TMEM268: variants seen among roughly 807,000 people sequenced by gnomAD.
The protein encoded by TMEM268 is transmembrane protein C9orf91.
TMEM268 carries 24 observed loss-of-function variants against 39.1 expected under a neutral mutation model. That is an observed-to-expected ratio of 0.61 (90% CI 0.44 to 0.86). The LOEUF (loss-of-function observed/expected upper bound fraction) is 0.86, where lower values mean the gene tolerates loss of function less well. TMEM268 is among the 40% of genes least tolerant of loss of function. TMEM268 has a pLI of 0.00. For missense variants in TMEM268, 409 were observed against 428.6 expected (o/e 0.95, Z 0.40); for synonymous variants, 176 against 173.5 (o/e 1.01, Z -0.12).
upstream of TMEM268, among the ~76,000 whole-genome samples, chr9:114,607,558 G>T (rs550719319): frequency 1.6e-4 from 24 of 152,224 alleles, no homozygotes; most frequent in Non-Finnish European, 3.2e-4. Context: ...GGGAGGCTGA[G>T]GTGGGAGGAT....
intron 5 of TMEM268, among the ~76,000 whole-genome samples, chr9:114,630,358 G>A (rs999383347): frequency 5.9e-5 from 9 of 152,068 alleles, no homozygotes; most frequent in Non-Finnish European, 1.3e-4. Context: ...CCCAGAAAAT[G>A]CGCAAGGCTT....
intron 2 of TMEM268, chr9:114,622,294 T>C: frequency 3.0e-6 from 3 of 985,376 alleles, no homozygotes; most frequent in Non-Finnish European, 3.6e-6. Context: ...TGCCTCATTG[T>C]CTAAGCAGCC....
intron 2 of TMEM268, 75 bp from the exon 3 acceptor site, chr9:114,624,275 G>A (rs901577906): frequency 7.8e-6 from 12 of 1,536,670 alleles, no homozygotes; most frequent in Admixed American, 6.0e-5. Context: ...GTGTGATGCC[G>A]CCAGGCTTCG....
In TMEM268 at chr9:114,646,010, A is replaced by G. The variant is rs1332467691; in HGVS notation, c.*2697A>G. 1 of 151,946 alleles carries G rather than the reference A, an allele frequency of 6.6e-6. No homozygotes were observed. Among genetic ancestry groups the G allele is most frequent in the African/African-American group, 2.4e-5 (1 of 41,358 alleles). 9.4% of individuals were successfully genotyped at this position (151,946 alleles called of 1,614,324 possible). ...TTTTTCAGAGAGATAAGGTCTTGCT[A>G]TGTTACCCAGCCTAGTCTTGAACTC... On this transcript the variant is annotated 3_prime_UTR_variant, in exon 9 of 9. Transcript: ENST00000288502.
chr9:114,609,718 A>C (rs1335775732), upstream of TMEM268, among the ~76,000 whole-genome samples: 1 of 127,980 alleles, frequency 7.8e-6, no homozygotes, highest in Non-Finnish European at 1.6e-5. Context: ...AAAAAGAAAA[A>C]GAAAAAGAAA....
At chr9:114,626,489 C>G (rs369066729) in intron 3 of TMEM268, among the ~76,000 whole-genome samples, 3 of 152,126 alleles carry the variant, frequency 2.0e-5, no homozygotes, top group East Asian at 3.9e-4. Flanking sequence ...TAATATGTAC[C>G]TTAGTTCTAC....
intron 6 of TMEM268, among the ~76,000 whole-genome samples, chr9:114,635,466 T>A (rs1220909258): frequency 6.6e-6 from 1 of 152,030 alleles, no homozygotes; most frequent in African/African-American, 2.4e-5. Context: ...TGCTTGAATC[T>A]AAGAGTTCAA....
chr9:114,613,122 T>G (rs1845569309), intron 1 of TMEM268, among the ~76,000 whole-genome samples: 1 of 152,178 alleles, frequency 6.6e-6, no homozygotes, highest in Admixed American at 6.5e-5. Context: ...GTTACACAGG[T>G]GAGAAGCGGC....
chr9:114,632,855 A>G (rs1251114725), intron 5 of TMEM268, among the ~76,000 whole-genome samples: 2 of 152,300 alleles, frequency 1.3e-5, no homozygotes, highest in African/African-American at 2.4e-5. Flanking sequence ...TTATTCTACA[A>G]CTGAAGAAAA....
At chr9:114,624,576 G>T in intron 3 of TMEM268, 117 bp downstream of exon 3, 1 of 1,424,808 alleles carries the variant, frequency 7.0e-7, no homozygotes, top group Non-Finnish European at 9.3e-7. Context: ...GCTGTCGTAG[G>T]GTATATAAGG....
intron 1 of TMEM268, among the ~76,000 whole-genome samples, chr9:114,616,681 T>A (rs1266282541): frequency 1.3e-5 from 2 of 151,952 alleles, no homozygotes; most frequent in East Asian, 1.9e-4. Context: ...TTTTTTTTTT[T>A]AATGTGTATT....
chr9:114,609,974 G>C (rs1411845770), upstream of TMEM268, among the ~76,000 whole-genome samples: 1 of 152,056 alleles, frequency 6.6e-6, no homozygotes, highest in South Asian at 2.1e-4. Context: ...TGTCCACTAA[G>C]AAAGAAGGGT....
intron 2 of TMEM268, among the ~76,000 whole-genome samples, chr9:114,621,653 G>A (rs1845950821): frequency 1.3e-5 from 2 of 152,156 alleles, no homozygotes; most frequent in African/African-American, 4.8e-5. Context: ...GCCTCTCTGG[G>A]GAAAGTGAAT....
rs781398677 is a variant in TMEM268 at position 114,628,181 on chromosome 9, G to T, written c.405G>T (p.Leu135=). 1.1e-5 allele frequency: 18 copies of T among 1,614,068 alleles called. No homozygotes were observed. Among genetic ancestry groups the T allele is most frequent in the Non-Finnish European group, 1.4e-5 (16 of 1,180,042 alleles). ...TGGGGAACCACTGGGCTGGCATGCT[G>T]CTCGTGACCCTGGCCGCGGTGAGCC... The part of the protein sequence containing the change: ...FALGNHWAGM[L]LVTLAAVSLT... The change falls in exon 5 of 9, where the codon CTG becomes CTT. Residue 135 remains leucine, a synonymous_variant. Transcript: ENST00000288502.
At chr9:114,612,719 C>A (rs1186870763) in intron 1 of TMEM268, among the ~76,000 whole-genome samples, 1 of 152,178 alleles carries the variant, frequency 6.6e-6, no homozygotes, top group Non-Finnish European at 1.5e-5. Context: ...CTCCTTCCTC[C>A]AGGAAGCCTT....
chr9:114,634,752 T>C (rs1392992448), intron 6 of TMEM268, among the ~76,000 whole-genome samples: 1 of 152,184 alleles, frequency 6.6e-6, no homozygotes, highest in Non-Finnish European at 1.5e-5. Flanking sequence ...TGAGAGCCTA[T>C]TGTGTACCAG....
chr9:114,629,111 T>A (rs2133660662), intron 5 of TMEM268, among the ~76,000 whole-genome samples: 1 of 152,342 alleles, frequency 6.6e-6, no homozygotes, highest in Middle Eastern at 3.4e-3. Flanking sequence ...GGCCAGGGCC[T>A]CAGATTCCAA....
chr9:114,633,340 T>C (rs1846482864), intron 5 of TMEM268, among the ~76,000 whole-genome samples: 1 of 151,994 alleles, frequency 6.6e-6, no homozygotes, highest in Admixed American at 6.6e-5. Context: ...TTTTGTATTA[T>C]TAGTAGAGAA....
intron 6 of TMEM268, among the ~76,000 whole-genome samples, chr9:114,634,203 T>C (rs1387811500): frequency 6.6e-6 from 1 of 152,140 alleles, no homozygotes; most frequent in Non-Finnish European, 1.5e-5. Context: ...ACTGGCGACA[T>C]TGAGGGGCCC....
Sources: allele counts gnomAD v4.1 joint callset (sites outside exome capture counted in the v4.1 genomes callset), GRCh38; gene constraint gnomAD v4.1.1; transcripts MANE v1.5; gene names NCBI Gene and HGNC (gene_info 2026-07-23, HGNC 2026-07-21).